The following NTM variants were observed in gnomAD, a reference collection of about 807,000 sequenced individuals.
NTM encodes the protein neurotrimin.
Under a neutral mutation model 42.1 loss-of-function variants are expected in NTM, and 13 were observed. The ratio of observed to expected loss-of-function variants is 0.31; its 90% confidence interval spans 0.20 to 0.49. NTM has a LOEUF of 0.49. Among genes scored for constraint, NTM ranks in the 20% least tolerant of loss-of-function variants. NTM has a pLI of 0.99. For missense variants in NTM, 373 were observed against 452.8 expected, an observed-to-expected ratio of 0.82 and a Z score of 1.60; for synonymous variants, 187 against 179.2, an observed-to-expected ratio of 1.04 and a Z score of -0.35.
chr11:131,506,119 G>C (rs555103542), intron 1 of NTM, among the ~76,000 whole-genome samples: 3 of 152,182 alleles, frequency 2.0e-5, no homozygotes, highest in African/African-American at 7.2e-5. Context: ...ATTAAACCTG[G>C]CTTTCCTTAA....
intron 1 of NTM, among the ~76,000 whole-genome samples, chr11:131,803,459 C>T (rs558735202): frequency 1.3e-5 from 2 of 152,186 alleles, no homozygotes; most frequent in African/African-American, 4.8e-5. Flanking sequence ...CAGGTGTGCA[C>T]CACCACACCC....
chr11:131,943,873 T>A (rs2060067595), intron 2 of NTM, among the ~76,000 whole-genome samples: 1 of 152,084 alleles, frequency 6.6e-6, no homozygotes, highest in Admixed American at 6.5e-5. Flanking sequence ...CGAGTTGCTC[T>A]CTTAGAGCCT....
intron 1 of NTM, among the ~76,000 whole-genome samples, chr11:131,764,021 C>T (rs1004717115): frequency 2.0e-5 from 3 of 151,846 alleles, no homozygotes; most frequent in Non-Finnish European, 4.4e-5. Flanking sequence ...ACCTCTAAAA[C>T]ATTTGGTGAT....
chr11:132,110,763 G>C (rs748664674), intron 2 of NTM, among the ~76,000 whole-genome samples: 3 of 151,974 alleles, frequency 2.0e-5, no homozygotes, highest in Non-Finnish European at 4.4e-5. Context: ...GGCCAAGCAT[G>C]GTGGCTGATG....
intron 4 of NTM, among the ~76,000 whole-genome samples, chr11:132,256,277 T>C (rs3099803): frequency 0.51 from 77,102 of 152,086 alleles, 20,459 homozygotes; most frequent in African/African-American, 0.66. Context: ...GAAGACAGCA[T>C]TACTGACCAG....
chr11:131,879,238 C>A (rs991658946), intron 1 of NTM, among the ~76,000 whole-genome samples: 21 of 152,118 alleles, frequency 1.4e-4, no homozygotes, highest in Non-Finnish European at 2.9e-5. Context: ...TGGCCCATCC[C>A]AGGGGTGCAT....
At chr11:131,593,768 C>T (rs1206269967) in intron 1 of NTM, among the ~76,000 whole-genome samples, 1 of 152,186 alleles carries the variant, frequency 6.6e-6, no homozygotes, top group African/African-American at 2.4e-5. Flanking sequence ...TGTGGCCTCA[C>T]GAGGATCATG....
At chr11:131,595,502 A>G (rs1354527736) in intron 1 of NTM, among the ~76,000 whole-genome samples, 1 of 152,206 alleles carries the variant, frequency 6.6e-6, no homozygotes, top group Non-Finnish European at 1.5e-5. Context: ...CTGAGAAACT[A>G]TTATTTTGCA....
intron 1 of NTM, among the ~76,000 whole-genome samples, chr11:131,398,906 A>C: frequency 6.6e-6 from 1 of 152,364 alleles, no homozygotes; most frequent in Non-Finnish European, 1.5e-5. Context: ...AGGCTTGAAC[A>C]TTACATGAAA....
chr11:131,993,374 C>T (rs1345383551), intron 2 of NTM, among the ~76,000 whole-genome samples: 1 of 152,068 alleles, frequency 6.6e-6, no homozygotes, highest in African/African-American at 2.4e-5. Flanking sequence ...GCATCTAGAA[C>T]AAGTCCCATG....
intron 4 of NTM, among the ~76,000 whole-genome samples, chr11:132,288,967 A>G (rs148709933): frequency 3.3e-5 from 5 of 152,010 alleles, no homozygotes; most frequent in Admixed American, 2.0e-4. Context: ...TTACTCTATC[A>G]TCTCTATTTT....
intron 1 of NTM, among the ~76,000 whole-genome samples, chr11:131,538,821 TTAA>T (rs1488677070): frequency 1.3e-5 from 2 of 152,000 alleles, no homozygotes; most frequent in African/African-American, 2.4e-5. Context: ...GGGACTACAG[TTAA>T]TAATGTGTTG....
intron 1 of NTM, among the ~76,000 whole-genome samples, chr11:131,881,041 C>T (rs1240866737): frequency 1.3e-5 from 2 of 152,162 alleles, no homozygotes; most frequent in Non-Finnish European, 2.9e-5. Context: ...TGGAACTTGC[C>T]AGAACCTTCC....
chr11:132,006,427 C>A (rs2070807788), intron 2 of NTM, among the ~76,000 whole-genome samples: 1 of 152,106 alleles, frequency 6.6e-6, no homozygotes, highest in Non-Finnish European at 1.5e-5. Flanking sequence ...AATAACCCAA[C>A]AATGAGAAGA....
intron 8 of NTM, among the ~76,000 whole-genome samples, chr11:132,330,802 G>T (rs1442011194): frequency 6.6e-6 from 1 of 152,182 alleles, no homozygotes; most frequent in Non-Finnish European, 1.5e-5. Context: ...TGAGATAGAG[G>T]CAATAAAGGC....
chr11:132,070,162 C>A (rs527911938), intron 2 of NTM, among the ~76,000 whole-genome samples: 1 of 142,878 alleles, frequency 7.0e-6, no homozygotes, highest in Non-Finnish European at 1.5e-5. Context: ...TCAAACTGAC[C>A]GTCACAGGTT....
At chr11:131,851,211 G>A (rs2045493419) in intron 1 of NTM, among the ~76,000 whole-genome samples, 1 of 152,088 alleles carries the variant, frequency 6.6e-6, no homozygotes, top group Non-Finnish European at 1.5e-5. Context: ...TATAGTGGGG[G>A]TTCCAGTATC....
intron 4 of NTM, among the ~76,000 whole-genome samples, chr11:132,305,269 A>G (rs1205455809): frequency 6.6e-6 from 1 of 152,214 alleles, no homozygotes; most frequent in Non-Finnish European, 1.5e-5. Context: ...TGGAGAGCAC[A>G]AGAGATCCAG....
At chr11:132,219,734 T>G (rs1385680003) in intron 4 of NTM, among the ~76,000 whole-genome samples, 1 of 152,064 alleles carries the variant, frequency 6.6e-6, no homozygotes, top group Non-Finnish European at 1.5e-5. Context: ...ATTAAACACG[T>G]GCACCAATGG....
Sources: gnomAD v4.1 joint callset for allele counts (sites outside exome capture counted in the v4.1 genomes callset) on GRCh38, gnomAD v4.1.1 for gene constraint, MANE v1.5 for transcripts, NCBI Gene and HGNC (gene_info 2026-07-23, HGNC 2026-07-21) for gene names.